Variants in CDH11 observed in about 807,000 individuals in gnomAD.
CDH11 encodes the protein cadherin-11.
Under a neutral mutation model 67.8 loss-of-function variants are expected in CDH11, and 11 were observed. The ratio of observed to expected loss-of-function variants is 0.16; its 90% confidence interval spans 0.10 to 0.27. The LOEUF is 0.27. CDH11 is among the 10% of genes least tolerant of loss of function. CDH11 has a pLI of 1.00. For missense variants in CDH11, 847 were observed against 1,031.2 expected (o/e 0.82, Z 2.45); for synonymous variants, 419 against 400.0 (o/e 1.05, Z -0.57).
At chr16:65,116,933 A>G (rs1333890388) in intron 1 of CDH11, among the ~76,000 whole-genome samples, 1 of 152,210 alleles carries the variant, frequency 6.6e-6, no homozygotes, top group Non-Finnish European at 1.5e-5. Flanking sequence ...TCGACCATAC[A>G]GACTGTGAGA....
At chr16:65,027,054 CATGTTTCT>C (rs1176799496) in intron 2 of CDH11, among the ~76,000 whole-genome samples, 1 of 152,090 alleles carries the variant, frequency 6.6e-6, no homozygotes, top group Non-Finnish European at 1.5e-5. Flanking sequence ...AGGCAAGTGC[CATGTTTCT>C]ATCAGTATTT....
chr16:64,948,173 G>A, intron 12 of CDH11, 74 bp from the exon 13 acceptor site: 2 of 1,540,318 alleles, frequency 1.3e-6, no homozygotes, highest in Non-Finnish European at 1.7e-6. Context: ...GAGGAACTCT[G>A]ATTACCATAA....
intron 7 of CDH11, chr16:64,987,657 AG>A (rs2072520616): frequency 6.6e-6 from 1 of 152,288 alleles, no homozygotes. Flanking sequence ...CTAGGGGAGA[AG>A]GTCCATTATT....
At chr16:64,972,560 A>G (rs723671) in intron 9 of CDH11, among the ~76,000 whole-genome samples, 2 of 152,166 alleles carry the variant, frequency 1.3e-5, no homozygotes, top group African/African-American at 4.8e-5. Flanking sequence ...GATAAACAAG[A>G]ACCCACAAAC....
In CDH11 at chr16:64,947,446, T is replaced by C. The variant is rs2142362303; in HGVS notation, c.*157A>G. 2 of 1,445,416 alleles carry C rather than the reference T, an allele frequency of 1.4e-6. No individual in the cohort carries two copies. The highest frequency in any genetic ancestry group is 1.5e-5 in the South Asian group (1 of 65,136). 89.5% of individuals were successfully genotyped at this position (1,445,416 alleles called of 1,614,324 possible). ...AGGTATTTCACAGTATTTACCACTT[T>C]GATGTCCTCGCAGTTTTATTAAATG... On this transcript the variant is annotated 3_prime_UTR_variant, in exon 13 of 13. Coordinates refer to ENST00000268603, the MANE Select transcript of CDH11 (RefSeq NM_001797.4).
chr16:64,971,148 T>C (rs2071993097), intron 11 of CDH11, among the ~76,000 whole-genome samples: 1 of 152,232 alleles, frequency 6.6e-6, no homozygotes, highest in Non-Finnish European at 1.5e-5. Flanking sequence ...CCAGCCACAC[T>C]GCATTAAAAC....
intron 1 of CDH11, among the ~76,000 whole-genome samples, chr16:65,092,734 C>CATCT (rs2074812983): frequency 6.7e-6 from 1 of 150,042 alleles, no homozygotes; most frequent in South Asian, 2.1e-4. Context: ...ACAGATCCAT[C>CATCT]ATCTGTTCTT....
chr16:65,021,567 CACATAT>C (rs1339165424), intron 2 of CDH11, among the ~76,000 whole-genome samples: 2 of 72,864 alleles, frequency 2.7e-5, no homozygotes, highest in African/African-American at 8.6e-5. Context: ...CACACACACA[CACATAT>C]ATATATATAT....
intron 11 of CDH11, among the ~76,000 whole-genome samples, chr16:64,962,396 A>G (rs1202435489): frequency 1.3e-5 from 2 of 152,176 alleles, no homozygotes; most frequent in African/African-American, 4.8e-5. Context: ...GATTGGAGAC[A>G]GACAAGTAGA....
intron 11 of CDH11, chr16:64,968,571 G>T (rs1346155017): frequency 2.0e-6 from 2 of 984,868 alleles, no homozygotes; most frequent in African/African-American, 3.5e-5. Flanking sequence ...TGAAGCTCGG[G>T]CTGCAGAACG....
At chr16:65,027,688 C>T (rs1242967366) in intron 2 of CDH11, among the ~76,000 whole-genome samples, 1 of 152,260 alleles carries the variant, frequency 6.6e-6, no homozygotes, top group African/African-American at 2.4e-5. Context: ...GATGGCTGCC[C>T]ATGAAACCAC....
In CDH11 at chr16:65,112,974, C is replaced by A. The variant is rs142309507; in HGVS notation, c.-298+8906G>T. 2.6e-5 allele frequency among the ~76,000 whole-genome samples: 4 copies of A among 152,162 alleles called. No individual in the cohort carries two copies. The South Asian group carries it at 8.3e-4, about 32-fold the overall frequency. Reference sequence around the variant, plus strand: ...CAAAGAAATCAGACCACAGGTACAACTATTAAAATAATCAATTAAAAAATG... The same window carrying A: ...CAAAGAAATCAGACCACAGGTACAAATATTAAAATAATCAATTAAAAAATG... On this transcript the variant is annotated intron_variant, in intron 1 of 12. Coordinates refer to ENST00000268603, the MANE Select transcript of CDH11 (RefSeq NM_001797.4).
chr16:65,010,952 C>T (rs972995684), intron 2 of CDH11, among the ~76,000 whole-genome samples: 4 of 135,888 alleles, frequency 2.9e-5, no homozygotes, highest in South Asian at 2.3e-4. Flanking sequence ...ATATGTGTGA[C>T]ATATATATAT....
intron 1 of CDH11, among the ~76,000 whole-genome samples, chr16:65,095,334 T>TA (rs1371019302): frequency 6.6e-6 from 1 of 152,180 alleles, no homozygotes. Flanking sequence ...CAATGTGCTT[T>TA]ACGTTACTTA....
At chr16:65,087,576 T>C (rs755786545) in intron 1 of CDH11, among the ~76,000 whole-genome samples, 6 of 152,178 alleles carry the variant, frequency 3.9e-5, no homozygotes, top group Non-Finnish European at 8.8e-5. Context: ...TGGATAAATG[T>C]GGAGAAGGAG....
intron 8 of CDH11, among the ~76,000 whole-genome samples, chr16:64,979,285 A>AT (rs1555514141): frequency 1.3e-5 from 2 of 152,194 alleles, no homozygotes; most frequent in Admixed American, 6.5e-5. Flanking sequence ...CCCTGTCTCT[A>AT]TTTTTTTAAA....
intron 2 of CDH11, among the ~76,000 whole-genome samples, chr16:65,036,176 T>G (rs191618958): frequency 2.0e-5 from 3 of 152,214 alleles, no homozygotes; most frequent in Non-Finnish European, 4.4e-5. Context: ...AGAGGCTAAA[T>G]AGCTCACTCA....
chr16:65,027,029 G>C (rs1323106678), intron 2 of CDH11, among the ~76,000 whole-genome samples: 1 of 152,154 alleles, frequency 6.6e-6, no homozygotes, highest in Non-Finnish European at 1.5e-5. Context: ...TGGAAAAGGA[G>C]TTACGTGGTT....
At chr16:64,949,834 C>A (rs2071308369) in intron 12 of CDH11, among the ~76,000 whole-genome samples, 2 of 152,176 alleles carry the variant, frequency 1.3e-5, no homozygotes, top group African/African-American at 4.8e-5. Context: ...TTCTGTGAAC[C>A]TGTCGAGCAC....
Sources: gnomAD v4.1 joint callset for allele counts (sites outside exome capture counted in the v4.1 genomes callset) on GRCh38, gnomAD v4.1.1 for gene constraint, MANE v1.5 for transcripts, NCBI Gene and HGNC (gene_info 2026-07-23, HGNC 2026-07-21) for gene names.